Variants in PRRT3 observed in about 807,000 individuals in gnomAD.
PRRT3 encodes the protein proline rich transmembrane protein 3, also known as proline-rich transmembrane protein 3.
Under a neutral mutation model 56.6 loss-of-function variants are expected in PRRT3, and 48 were observed. That is an observed-to-expected ratio of 0.85 (90% confidence interval 0.67 to 1.08). The LOEUF (loss-of-function observed/expected upper bound fraction) is 1.08, where lower values mean the gene tolerates loss of function less well. PRRT3 is among the 50% of genes least tolerant of loss of function. PRRT3 has a pLI of 0.00. For synonymous variants in PRRT3, 641 were observed against 619.1 expected (o/e 1.04, Z -0.52); for missense variants, 1,370 against 1,353.1 (o/e 1.01, Z -0.20).
In PRRT3 at chr3:9,946,656, CAGGCCGCGG is replaced by C. The variant is rs905462534; in HGVS notation, c.2508_2516del (p.Arg837_Leu839del). 2 of 1,400,024 alleles carry C rather than the reference CAGGCCGCGG, an allele frequency of 1.4e-6. No homozygotes were observed. The highest frequency in any genetic ancestry group is 1.8e-6 in the Non-Finnish European group (2 of 1,087,158). 86.7% of individuals were successfully genotyped at this position (1,400,024 alleles called of 1,614,324 possible). On this transcript the variant is annotated inframe_deletion, in exon 4 of 4. Transcript: ENST00000412055. This position sits in a 1 kb window ranked among gnomAD's most constrained non-coding sequence, Gnocchi z 4.1. ...GAGCGCCTCCAGGCGGCGGGGAGGC[CAGGCCGCGG>C]AGGCCGCAGCGCTGGAACACACTGT...
chr3:9,946,669 C>A lies in PRRT3; in HGVS notation c.2504G>T (p.Gly835Val), dbSNP rs2124875867. Residue 835 changes from glycine to valine, a missense_variant, in exon 4 of 4, where the codon GGC (glycine) becomes GTC (valine). Gly to Val is a moderately radical substitution (Grantham distance 109, BLOSUM62 -3). Coordinates refer to ENST00000412055, the MANE Select transcript of PRRT3 (RefSeq NM_207351.5). The surrounding 1 kb of genome is among the most constrained non-coding windows in gnomAD (Gnocchi z 4.1). ...LVRDSVFQRC[G>V]LRGLASPPPG... ...CGGCGGGGAGGCCAGGCCGCGGAGG[C>A]CGCAGCGCTGGAACACACTGTCTCG... 1 of 1,409,164 alleles carries A rather than the reference C, an allele frequency of 7.1e-7. No individual in the cohort carries two copies. The highest frequency in any genetic ancestry group is 9.2e-7 in the Non-Finnish European group (1 of 1,092,052). 87.3% of individuals were successfully genotyped at this position (1,409,164 alleles called of 1,614,324 possible).
Position 9,947,550 on chromosome 3 carries a change from G to T in PRRT3, c.1623C>A (p.Tyr541Ter). 4.3e-6 allele frequency: 7 copies of T among 1,610,692 alleles called. No homozygotes were observed. The highest frequency in any genetic ancestry group is 5.9e-6 in the Non-Finnish European group (7 of 1,179,046). ...RLGVRGGLVLYNLPFPLLLTA... is the reference protein window; with the variant it reads ...RLGVRGGLVL Reference sequence around the variant, plus strand: ...TAAGCAGCAAGGGGAAGGGCAGGTTGTAGAGCACCAGGCCCCCGCGAACGC... The same window carrying T: ...TAAGCAGCAAGGGGAAGGGCAGGTTTTAGAGCACCAGGCCCCCGCGAACGC... The change falls in exon 4 of 4, where the codon TAC (tyrosine) becomes TAA (stop). Residue 541 changes from tyrosine (Y) to a stop codon, truncating the protein, a stop_gained. Coordinates refer to ENST00000412055, the MANE Select transcript of PRRT3 (RefSeq NM_207351.5). LOFTEE classifies it high-confidence loss of function. The surrounding 1 kb of genome is among the most constrained non-coding windows in gnomAD (Gnocchi z 9.2).
intron 3 of PRRT3, chr3:9,948,395 T>C (rs2085564749): frequency 2.5e-6 from 1 of 401,218 alleles, no homozygotes; most frequent in Admixed American, 4.3e-5. Context: ...AGTGGTGCAA[T>C]GTGGGCTTAC....
At position 9,946,328 on chromosome 3, in the gene PRRT3, CAG is replaced by C. The variant is rs748844649; in HGVS notation, c.2843_2844del (p.Pro948ArgfsTer29). On this transcript the variant is annotated frameshift_variant, in exon 4 of 4. Coordinates refer to ENST00000412055, the MANE Select transcript of PRRT3 (RefSeq NM_207351.5). LOFTEE classifies it low-confidence loss of function (END_TRUNC). This position sits in a 1 kb window ranked among gnomAD's most constrained non-coding sequence, Gnocchi z 4.1. ...TCCCCCTGCCGAGCGGCGGTAGAAT[CAG>C]GGGCTGGGGTCGGGGCAGGCAGTAG... is the stretch of plus-strand genomic sequence containing the variant. ...VQLLPAPTPA[P>X]DSTAARQGDG... The C allele has an allele frequency of 1.1e-5, 18 of 1,612,332 alleles. No homozygotes were observed. The East Asian group carries it at 2.2e-4, about 20-fold the overall frequency.
chr3:9,947,847 A>G lies in PRRT3; in HGVS notation c.1326T>C (p.Ala442=). Residue 442 remains alanine, a synonymous_variant, in exon 4 of 4, where the codon GCT becomes GCC. Coordinates refer to ENST00000412055, the MANE Select transcript of PRRT3 (RefSeq NM_207351.5). This position sits in a 1 kb window ranked among gnomAD's most constrained non-coding sequence, Gnocchi z 9.2. ...PPPEPTASSM[A]SAPASSPPAN... is the part of the protein sequence containing the mutation. ...CTGGGGGGCTGGAGGCTGGGGCTGA[A>G]GCCATGGAGCTGGCGGTGGGCTCCG... The G allele has an allele frequency of 1.4e-6, 2 of 1,431,422 alleles. No homozygotes were observed. The highest frequency in any genetic ancestry group is 1.8e-6 in the Non-Finnish European group (2 of 1,092,070). 88.7% of individuals were successfully genotyped at this position (1,431,422 alleles called of 1,614,324 possible).
In PRRT3 at chr3:9,946,839, C is replaced by A; in HGVS notation, c.2334G>T (p.Leu778Phe). The A allele has an allele frequency of 1.3e-6, 2 of 1,540,084 alleles. No homozygotes were observed. The highest frequency in any genetic ancestry group is 2.7e-5 in the African/African-American group (2 of 73,544). ...SSGAWGSAAS[L>F]GRGPQGGPGL... is the part of the protein sequence containing the mutation. ...CCGGGCCACCCTGGGGTCCGCGACCCAACGACGCAGCCGAGCCCCAGGCGC... is the reference window on the plus strand; with the variant it reads ...CCGGGCCACCCTGGGGTCCGCGACCAAACGACGCAGCCGAGCCCCAGGCGC... The change falls in exon 4 of 4, where the codon TTG becomes TTT. Residue 778 changes from leucine to phenylalanine, a missense_variant. Leu to Phe is a conservative substitution (Grantham distance 22). Transcript: ENST00000412055. The surrounding 1 kb of genome is among the most constrained non-coding windows in gnomAD (Gnocchi z 4.1).
At position 9,949,315 on chromosome 3, in the gene PRRT3, C is replaced by T; in HGVS notation, c.801G>A (p.Gly267=). 6.2e-7 allele frequency: 1 copy of T among 1,613,478 alleles called. No homozygotes were observed. Among genetic ancestry groups the T allele is most frequent in the Non-Finnish European group, 8.5e-7 (1 of 1,179,584 alleles). The change falls in exon 2 of 4, where the codon GGG becomes GGA. Residue 267 remains glycine, a synonymous_variant. Transcript: ENST00000412055. This position sits in a 1 kb window ranked among gnomAD's most constrained non-coding sequence, Gnocchi z 4.5. ...TGGCCAATGCCAAGTCTGGCTGGGCCCCTGGCTCCTGAGAGTACACCACCT... is the reference window on the plus strand; with the variant it reads ...TGGCCAATGCCAAGTCTGGCTGGGCTCCTGGCTCCTGAGAGTACACCACCT... ...PVEVVYSQEP[G]AQPDLALARS...
In PRRT3 at chr3:9,946,346, C is replaced by T; in HGVS notation, c.2827G>A (p.Ala943Thr). 1 of 1,611,634 alleles carries T rather than the reference C, an allele frequency of 6.2e-7. No individual in the cohort carries two copies. Among genetic ancestry groups the T allele is most frequent in the Non-Finnish European group, 8.5e-7 (1 of 1,179,276 alleles). Residue 943 changes from alanine (A) to threonine (T), a missense_variant, in exon 4 of 4, where the codon GCC becomes ACC. By Grantham distance (58) the Ala-to-Thr change is moderately conservative (BLOSUM62 0). Transcript: ENST00000412055. This position sits in a 1 kb window ranked among gnomAD's most constrained non-coding sequence, Gnocchi z 4.1. The part of the protein sequence containing the change: ...ELPSTVQLLP[A>T]PTPAPDSTAA... ...GTAGAATCAGGGGCTGGGGTCGGGGCAGGCAGTAGCTGTACCGTGCTGGGC... is the reference window on the plus strand; with the variant it reads ...GTAGAATCAGGGGCTGGGGTCGGGGTAGGCAGTAGCTGTACCGTGCTGGGC...
Position 9,952,357 on chromosome 3 carries a change from GTCCCTGCAGCCGATCGCCGCGCCGCA to G in PRRT3, c.-119_-94del, listed in dbSNP as rs2085633386. On this transcript the variant is annotated 5_prime_UTR_variant, in exon 1 of 4. An upstream start codon of the reference 5' UTR is lost. Coordinates refer to ENST00000412055, the MANE Select transcript of PRRT3 (RefSeq NM_207351.5). ...CAGCCCCCGTGTTCACCTTGCGCGC[GTCCCTGCAGCCGATCGCCGCGCCGCA>G]TCCTCCGAGATGCTCAGACTCGGCT... 6.6e-6 allele frequency: 1 copy of G among 152,238 alleles called. No homozygotes were observed. The highest frequency in any genetic ancestry group is 1.5e-5 in the Non-Finnish European group (1 of 68,064). 9.4% of individuals were successfully genotyped at this position (152,238 alleles called of 1,614,324 possible).
rs1467041190 is a variant in PRRT3 at position 9,946,225 on chromosome 3, C to T, written c.*2G>A. On this transcript the variant is annotated 3_prime_UTR_variant, in exon 4 of 4. Transcript: ENST00000412055. This position sits in a 1 kb window ranked among gnomAD's most constrained non-coding sequence, Gnocchi z 4.1. ...GTCCTGGCCCTGCGTCAGGACCGCT[C>T]TTCAAAGCTCGATGGTATCACTGGA... 5.0e-6 allele frequency: 8 copies of T among 1,611,446 alleles called. No individual in the cohort carries two copies. Among genetic ancestry groups the T allele is most frequent in the Non-Finnish European group, 6.8e-6 (8 of 1,179,392 alleles).
Position 9,949,474 on chromosome 3 carries a change from G to A in PRRT3, c.642C>T (p.His214=). 4 of 1,614,112 alleles carry A rather than the reference G, an allele frequency of 2.5e-6. No homozygotes were observed. Among genetic ancestry groups the A allele is most frequent in the Non-Finnish European group, 3.4e-6 (4 of 1,180,022 alleles). ...GCACTGGCCTCTTGACAGTACCTGA[G>A]TGGGAAACAAGGGTGTGGGGTGGGC... ...HQGPPHTLVS[H]SGTVKRPVLE... is the part of the protein sequence containing the mutation. Residue 214 remains histidine, a synonymous_variant, in exon 2 of 4, where the codon CAC becomes CAT. Coordinates refer to ENST00000412055, the MANE Select transcript of PRRT3 (RefSeq NM_207351.5). This position sits in a 1 kb window ranked among gnomAD's most constrained non-coding sequence, Gnocchi z 4.5.
chr3:9,947,238 C>A lies in PRRT3; in HGVS notation c.1935G>T (p.Ala645=), dbSNP rs745906704. 6.7e-7 allele frequency: 1 copy of A among 1,489,400 alleles called. No homozygotes were observed. Among genetic ancestry groups the A allele is most frequent in the Non-Finnish European group, 8.9e-7 (1 of 1,128,024 alleles). The allele number at this position is 1,489,400 out of a possible 1,614,324, so 92.3% of individuals were successfully genotyped here. The change falls in exon 4 of 4, where the codon GCG becomes GCT. Residue 645 remains alanine, a synonymous_variant. Transcript: ENST00000412055. The surrounding 1 kb of genome is among the most constrained non-coding windows in gnomAD (Gnocchi z 9.2). ...PGPRLLAVAG[A]LGLLASGLQL... is the part of the protein sequence containing the mutation. ...GCAAGCCGCTAGCCAGCAGCCCCAG[C>A]GCGCCCGCCACAGCCAACAGCCGAG...
At position 9,947,379 on chromosome 3, in the gene PRRT3, G is replaced by A. The variant is rs2085544254; in HGVS notation, c.1794C>T (p.Asn598=). Residue 598 remains asparagine (N), a synonymous_variant, in exon 4 of 4, where the codon AAC becomes AAT. Coordinates refer to ENST00000412055, the MANE Select transcript of PRRT3 (RefSeq NM_207351.5). The surrounding 1 kb of genome is among the most constrained non-coding windows in gnomAD (Gnocchi z 9.2). ...TDLLSTWSVL[N]LLTQGLSCAW... ...CGCACGACAAGCCCTGCGTCAGGAGGTTGAGCACAGACCATGTGGACAGCA... is the reference window on the plus strand; with the variant it reads ...CGCACGACAAGCCCTGCGTCAGGAGATTGAGCACAGACCATGTGGACAGCA... The A allele has an allele frequency of 6.2e-6, 10 of 1,612,144 alleles. No homozygotes were observed. Among genetic ancestry groups the A allele is most frequent in the Non-Finnish European group, 5.9e-6 (7 of 1,179,560 alleles).
At position 9,947,079 on chromosome 3, in the gene PRRT3, C is replaced by T. The variant is rs1344136283; in HGVS notation, c.2094G>A (p.Val698=). 6.5e-7 allele frequency: 1 copy of T among 1,534,544 alleles called. No homozygotes were observed. The highest frequency in any genetic ancestry group is 8.7e-7 in the Non-Finnish European group (1 of 1,145,190). ...TGGGCGGCCTGGGTCTCGCGGCAGC[C>T]ACCGCGGCCAACGCCAGGGCGAGCG... The part of the protein sequence containing the change: ...TWALALALAA[V]AAARPRPPTE... Residue 698 remains valine, a synonymous_variant, in exon 4 of 4, where the codon GTG becomes GTA. Coordinates refer to ENST00000412055, the MANE Select transcript of PRRT3 (RefSeq NM_207351.5). This position sits in a 1 kb window ranked among gnomAD's most constrained non-coding sequence, Gnocchi z 9.2.
At position 9,949,264 on chromosome 3, in the gene PRRT3, C is replaced by A; in HGVS notation, c.852G>T (p.Leu284=). Residue 284 remains leucine (L), a synonymous_variant, in exon 2 of 4, where the codon CTG becomes CTT. Transcript: ENST00000412055. This position sits in a 1 kb window ranked among gnomAD's most constrained non-coding sequence, Gnocchi z 4.5. ...LARSLPPAEE[L]PVETPKRAGA... ...CAGCCCTCTTGGGGGTCTCAACCGGCAGCTCCTCAGCAGGAGGAAGGCTTC... is the reference window on the plus strand; with the variant it reads ...CAGCCCTCTTGGGGGTCTCAACCGGAAGCTCCTCAGCAGGAGGAAGGCTTC... 1 of 1,603,334 alleles carries A rather than the reference C, an allele frequency of 6.2e-7. No individual in the cohort carries two copies. The highest frequency in any genetic ancestry group is 8.5e-7 in the Non-Finnish European group (1 of 1,173,622).
intron 3 of PRRT3, chr3:9,948,329 A>ATTTTTTTC: frequency 2.9e-6 from 1 of 343,372 alleles, no homozygotes; most frequent in East Asian, 4.5e-5. Context: ...GGGCATTGGA[A>ATTTTTTTC]TTTTTTTCTT....
rs2124889281 is a variant in PRRT3, at chr3:9,952,348, C to T, written c.-84G>A. ...TGCGCGCCGCAGCCCCCGTGTTCAC[C>T]TTGCGCGCGTCCCTGCAGCCGATCG... is the stretch of plus-strand genomic sequence containing the variant. On this transcript the variant is annotated 5_prime_UTR_variant, in exon 1 of 4. Transcript: ENST00000412055. 1 of 152,410 alleles carries T rather than the reference C, an allele frequency of 6.6e-6. No individual in the cohort carries two copies. Among genetic ancestry groups the T allele is most frequent in the East Asian group, 1.9e-4 (1 of 5,186 alleles). The allele number at this position is 152,410 out of a possible 1,614,324, so 9.4% of individuals were successfully genotyped here.
In PRRT3 at chr3:9,947,985, C is replaced by A. The variant is rs1483771468; in HGVS notation, c.1188G>T (p.Trp396Cys). Residue 396 changes from tryptophan to cysteine, a missense_variant, in exon 4 of 4, where the codon TGG (tryptophan) becomes TGT (cysteine). Coordinates refer to ENST00000412055, the MANE Select transcript of PRRT3 (RefSeq NM_207351.5). This position sits in a 1 kb window ranked among gnomAD's most constrained non-coding sequence, Gnocchi z 9.2. ...GALQPDEAEE[W>C]PGRPQSHPPA... is the part of the protein sequence containing the mutation. ...GGGGATGGCTTTGGGGGCGCCCCGGCCACTCCTCGGCTTCATCTGCAATTA... is the reference window on the plus strand; with the variant it reads ...GGGGATGGCTTTGGGGGCGCCCCGGACACTCCTCGGCTTCATCTGCAATTA... The A allele has an allele frequency of 2.2e-6, 3 of 1,352,898 alleles. No individual in the cohort carries two copies. Among genetic ancestry groups the A allele is most frequent in the Admixed American group, 3.1e-5 (1 of 32,666 alleles). The allele number at this position is 1,352,898 out of a possible 1,614,324, so 83.8% of individuals were successfully genotyped here.
chr3:9,946,085 C>T lies in PRRT3; in HGVS notation c.*142G>A, dbSNP rs2085512084. ...ACTCCTGACCTCGTGTTCCACCCACCTCGGCCTCCCAAAGTGCTGGGATTC... is the reference window on the plus strand; with the variant it reads ...ACTCCTGACCTCGTGTTCCACCCACTTCGGCCTCCCAAAGTGCTGGGATTC... On this transcript the variant is annotated 3_prime_UTR_variant, in exon 4 of 4. Transcript: ENST00000412055. The surrounding 1 kb of genome is among the most constrained non-coding windows in gnomAD (Gnocchi z 4.1). 4 of 1,298,128 alleles carry T rather than the reference C, an allele frequency of 3.1e-6. No homozygotes were observed. The highest frequency in any genetic ancestry group is 4.1e-6 in the Non-Finnish European group (4 of 975,354). The allele number at this position is 1,298,128 out of a possible 1,614,324, so 80.4% of individuals were successfully genotyped here. A position where few individuals can be genotyped will look rare whatever the true frequency, so the allele number is the denominator to read the frequency against.
Sources: gnomAD v4.1 joint callset for allele counts on GRCh38, gnomAD v4.1.1 for gene constraint, Gnocchi (gnomAD v3.1) non-coding constraint, MANE v1.5 for transcripts, NCBI Gene and HGNC (gene_info 2026-07-23, HGNC 2026-07-21) for gene names.